The following ITGA8 variants were observed in gnomAD, a reference collection of about 807,000 sequenced individuals.
The protein encoded by ITGA8 is integrin subunit alpha 8, also known as integrin alpha-8.
Under a neutral mutation model 142.3 loss-of-function variants are expected in ITGA8, and 91 were observed. That is an observed-to-expected ratio of 0.64 (90% CI 0.54 to 0.76). ITGA8 has a LOEUF of 0.76. Among genes scored for constraint, ITGA8 ranks in the 30% least tolerant of loss-of-function variants. The pLI is 0.00. For synonymous variants in ITGA8, 505 were observed against 485.2 expected (o/e 1.04, Z -0.54); for missense variants, 1,406 against 1,327.7 (o/e 1.06, Z -0.92).
chr10:15,523,782 C>G (rs1833112519), intron 28 of ITGA8, among the ~76,000 whole-genome samples: 1 of 136,250 alleles, frequency 7.3e-6, no homozygotes, highest in Admixed American at 7.2e-5. Flanking sequence ...AAAAATTAGA[C>G]AGTTGTGGTG....
At chr10:15,597,167 G>A (rs1001806053) in intron 21 of ITGA8, 40 bp downstream of exon 21, 8 of 1,501,762 alleles carry the variant, frequency 5.3e-6, no homozygotes, top group Non-Finnish European at 6.5e-6. Flanking sequence ...GTGAAGTCCA[G>A]TTAGAAGGAA....
chr10:15,563,291 T>C (rs1352209083), intron 25 of ITGA8, among the ~76,000 whole-genome samples: 1 of 152,168 alleles, frequency 6.6e-6, no homozygotes, highest in Non-Finnish European at 1.5e-5. Flanking sequence ...TGCCCAGTGA[T>C]GGAGGATCTG....
intron 2 of ITGA8, among the ~76,000 whole-genome samples, chr10:15,692,854 G>A (rs1834960316): frequency 6.6e-6 from 1 of 152,200 alleles, no homozygotes; most frequent in South Asian, 2.1e-4. Context: ...GATCACTTGA[G>A]GCCAGGAGTT....
At chr10:15,530,559 A>AAAAAC in intron 28 of ITGA8, among the ~76,000 whole-genome samples, 1 of 151,356 alleles carries the variant, frequency 6.6e-6, no homozygotes, top group Non-Finnish European at 1.5e-5. Flanking sequence ...AAAAAAAAAA[A>AAAAAC]AAAAGACATT....
chr10:15,661,194 G>A (rs764489728), intron 8 of ITGA8, among the ~76,000 whole-genome samples: 1 of 152,146 alleles, frequency 6.6e-6, no homozygotes, highest in Non-Finnish European at 1.5e-5. Flanking sequence ...ATTACAGCCT[G>A]AGCACTGCCT....
At chr10:15,642,122 G>A (rs928341014) in intron 13 of ITGA8, among the ~76,000 whole-genome samples, 12 of 151,738 alleles carry the variant, frequency 7.9e-5, no homozygotes, top group Admixed American at 2.0e-4. Context: ...GTAAGACTCC[G>A]TCTCAGAAAA....
intron 8 of ITGA8, among the ~76,000 whole-genome samples, 187 bp from the exon 9 acceptor site, chr10:15,661,109 C>G (rs1834278416): frequency 1.3e-5 from 2 of 152,208 alleles, no homozygotes; most frequent in South Asian, 4.1e-4. Flanking sequence ...CCCGGCCACA[C>G]ACACAGTAGG....
At chr10:15,562,957 C>T (rs1465093960) in intron 25 of ITGA8, among the ~76,000 whole-genome samples, 2 of 152,190 alleles carry the variant, frequency 1.3e-5, no homozygotes, top group Non-Finnish European at 2.9e-5. Flanking sequence ...GGGTGGATCC[C>T]TCATGAATGG....
At chr10:15,635,930 C>T (rs1319535069) in intron 13 of ITGA8, among the ~76,000 whole-genome samples, 1 of 151,534 alleles carries the variant, frequency 6.6e-6, no homozygotes. Context: ...CACACACACA[C>T]ACACACACAC....
intron 8 of ITGA8, among the ~76,000 whole-genome samples, chr10:15,668,097 C>T (rs149320127): frequency 2.6e-5 from 4 of 152,196 alleles, no homozygotes; most frequent in African/African-American, 9.7e-5. Context: ...TCTATTTGAT[C>T]TGTCTAATGT....
chr10:15,579,641 G>GT (rs563506948), intron 23 of ITGA8, among the ~76,000 whole-genome samples: 5 of 152,038 alleles, frequency 3.3e-5, no homozygotes, highest in African/African-American at 1.2e-4. Context: ...TAATGCTTGT[G>GT]TTTTTTTCTC....
At chr10:15,673,375 G>T (rs759979474) in intron 6 of ITGA8, among the ~76,000 whole-genome samples, 2 of 152,036 alleles carry the variant, frequency 1.3e-5, no homozygotes. Flanking sequence ...GAGCCACAGC[G>T]CCCGGCCATG....
chr10:15,694,193 G>T, intron 2 of ITGA8, among the ~76,000 whole-genome samples: 1 of 137,058 alleles, frequency 7.3e-6, no homozygotes, highest in East Asian at 2.1e-4. Context: ...TCATATATAT[G>T]ATAATATATC....
intron 4 of ITGA8, among the ~76,000 whole-genome samples, chr10:15,682,606 G>A (rs1834757773): frequency 6.6e-6 from 1 of 152,094 alleles, no homozygotes; most frequent in Non-Finnish European, 1.5e-5. Flanking sequence ...TGTAATCCCA[G>A]CACTTTGAAA....
At chr10:15,645,908 G>A (rs560479493) in intron 12 of ITGA8, among the ~76,000 whole-genome samples, 69 of 152,276 alleles carry the variant, frequency 4.5e-4, no homozygotes, top group South Asian at 1.2e-3. Flanking sequence ...CCTAACCTAC[G>A]AGTTTAACAC....
At chr10:15,687,876 G>A in intron 3 of ITGA8, 62 bp downstream of exon 3, 2 of 987,772 alleles carry the variant, frequency 2.0e-6, no homozygotes, top group East Asian at 2.4e-5. Context: ...ACATGAGCTT[G>A]AAAACATTCC....
intron 26 of ITGA8, among the ~76,000 whole-genome samples, chr10:15,553,732 G>A (rs1833835164): frequency 6.6e-6 from 1 of 152,174 alleles, no homozygotes; most frequent in Admixed American, 6.5e-5. Flanking sequence ...TGGGCATGGT[G>A]GCTCACACCT....
intron 12 of ITGA8, among the ~76,000 whole-genome samples, chr10:15,645,455 G>T (rs1442306462): frequency 6.6e-6 from 1 of 152,174 alleles, no homozygotes; most frequent in East Asian, 1.9e-4. Context: ...TTACTTGAGT[G>T]ATCAGGAATA....
At chr10:15,707,960 C>CAACACACACA (rs1564418663) in intron 2 of ITGA8, among the ~76,000 whole-genome samples, 2 of 75,444 alleles carry the variant, frequency 2.7e-5, no homozygotes, top group Non-Finnish European at 5.6e-5. Context: ...GTGCACACAC[C>CAACACACACA]GACACACACA....
Sources: allele counts gnomAD v4.1 joint callset (sites outside exome capture counted in the v4.1 genomes callset), GRCh38; gene constraint gnomAD v4.1.1; transcripts MANE v1.5; gene names NCBI Gene and HGNC (gene_info 2026-07-23, HGNC 2026-07-21).